The following CEP131 variants were observed in gnomAD, a reference collection of about 807,000 sequenced individuals.
CEP131 encodes centrosomal protein of 131 kDa.
CEP131 carries 99 observed loss-of-function variants against 136.8 expected under a neutral mutation model. The ratio of observed to expected loss-of-function variants is 0.72; its 90% CI spans 0.62 to 0.86. The LOEUF (loss-of-function observed/expected upper bound fraction) is 0.86, where lower values mean the gene tolerates loss of function less well. CEP131 is among the 40% of genes least tolerant of loss of function. The pLI is 0.00. For missense variants in CEP131, 1,459 were observed against 1,463.0 expected, an observed-to-expected ratio of 1.00 and a Z score of 0.04; for synonymous variants, 646 against 612.7, an observed-to-expected ratio of 1.05 and a Z score of -0.80.
chr17:81,196,643 GGAAGTCTCCAT>G, intron 15 of CEP131, 47 bp downstream of exon 15: 1 of 1,556,370 alleles, frequency 6.4e-7, no homozygotes, highest in Non-Finnish European at 8.6e-7. Context: ...CCCTGGCTCT[GGAAGTCTCCAT>G]GAGCCACGCG....
intron 5 of CEP131, among the ~76,000 whole-genome samples, chr17:81,205,199 C>A (rs994211041): frequency 6.6e-6 from 1 of 151,258 alleles, no homozygotes; most frequent in African/African-American, 2.4e-5. Context: ...GCGGAGGTTG[C>A]GGTGAGCCGA....
rs1403283982 is a variant in CEP131 at position 81,202,412 on chromosome 17, A to T, written c.630-14T>A. 3 of 1,611,276 alleles carry T rather than the reference A, an allele frequency of 1.9e-6. No individual in the cohort carries two copies. The highest frequency in any genetic ancestry group is 1.3e-5 in the African/African-American group (1 of 74,914). ...TTGATGATGTTGCTGACAGGTAAGA[A>T]GAAAACACCCTCGTCTCACCGCCCA... is the stretch of plus-strand genomic sequence containing the variant. On this transcript the variant is annotated splice_polypyrimidine_tract_variant and intron_variant, in intron 6 of 25. Coordinates refer to ENST00000450824, the MANE Select transcript of CEP131 (RefSeq NM_014984.4).
At chr17:81,192,934 A>G in intron 18 of CEP131, 91 bp from the exon 19 acceptor site, 1 of 1,505,394 alleles carries the variant, frequency 6.6e-7, no homozygotes, top group Non-Finnish European at 8.9e-7. Context: ...CACAGGCCTG[A>G]CTCACAGCTG....
In CEP131 at chr17:81,203,526, G is replaced by A. The variant is rs1339902090; in HGVS notation, c.597C>T (p.Leu199=). ...AGGGGGCAGTCTGGTTGGAGCTCTT[G>A]AGCGGAGGCGCCCTCTCCGAGGGGG... ...RYTPSERAPP[L]KSSNQTAPSL... Residue 199 remains leucine (L), a synonymous_variant, in exon 6 of 26, where the codon CTC becomes CTT. Coordinates refer to ENST00000450824, the MANE Select transcript of CEP131 (RefSeq NM_014984.4). The surrounding 1 kb of genome is among the most constrained non-coding windows in gnomAD (Gnocchi z 4.6). 2 of 1,608,076 alleles carry A rather than the reference G, an allele frequency of 1.2e-6. No individual in the cohort carries two copies. The highest frequency in any genetic ancestry group is 3.4e-5 in the Admixed American group (2 of 59,410).
intron 1 of CEP131, among the ~76,000 whole-genome samples, chr17:81,221,588 C>G (rs1289559779): frequency 6.6e-6 from 1 of 152,224 alleles, no homozygotes; most frequent in East Asian, 1.9e-4. Flanking sequence ...ACTCAGCCAG[C>G]TTGGCCCCGG....
intron 7 of CEP131, among the ~76,000 whole-genome samples, chr17:81,201,898 G>A (rs1209216443): frequency 2.6e-5 from 4 of 152,076 alleles, no homozygotes; most frequent in African/African-American, 7.2e-5. Context: ...TCAGGAGATC[G>A]AGAACATCCT....
At chr17:81,191,814 T>G (rs1403407387) in intron 21 of CEP131, among the ~76,000 whole-genome samples, 1 of 152,184 alleles carries the variant, frequency 6.6e-6, no homozygotes, top group Non-Finnish European at 1.5e-5. Flanking sequence ...CCTGCCTGGC[T>G]GCTCGGTGAC....
chr17:81,210,461 TCAGCAGGCTGA>T (rs1172717426), intron 2 of CEP131, among the ~76,000 whole-genome samples: 1 of 151,584 alleles, frequency 6.6e-6, no homozygotes, highest in Non-Finnish European at 1.5e-5. Flanking sequence ...TCCCAGCTAC[TCAGCAGGCTGA>T]GGTAGGGGAA....
chr17:81,198,323 C>T (rs1197649357), intron 11 of CEP131, 26 bp from the exon 12 acceptor site: 2 of 1,561,230 alleles, frequency 1.3e-6, no homozygotes, highest in Non-Finnish European at 1.7e-6. Context: ...GAGACAGATG[C>T]AGCAAGGCTG....
chr17:81,201,856 C>G (rs952601864), intron 7 of CEP131, among the ~76,000 whole-genome samples: 2 of 152,180 alleles, frequency 1.3e-5, no homozygotes, highest in Non-Finnish European at 2.9e-5. Flanking sequence ...AATCCCAGCA[C>G]TTTGGGAGGC....
chr17:81,198,209 T>C lies in CEP131; in HGVS notation c.1376A>G (p.Glu459Gly). ...GSAKSRGPLE[E>G]LLHTLQLLEK... is the part of the protein sequence containing the mutation. ...CAGCAGCTGCAGTGTGTGCAGCAGCTCCTCCAGTGGCCCCCTGGACTTGGC... is the reference window on the plus strand; with the variant it reads ...CAGCAGCTGCAGTGTGTGCAGCAGCCCCTCCAGTGGCCCCCTGGACTTGGC... The change falls in exon 12 of 26, where the codon GAG (glutamate) becomes GGG (glycine). Residue 459 changes from glutamate (E) to glycine (G), a missense_variant. Glu to Gly is a moderately conservative substitution (Grantham distance 98). Coordinates refer to ENST00000450824, the MANE Select transcript of CEP131 (RefSeq NM_014984.4). The C allele has an allele frequency of 1.9e-6, 3 of 1,594,908 alleles. No individual in the cohort carries two copies. The highest frequency in any genetic ancestry group is 2.6e-6 in the Non-Finnish European group (3 of 1,170,664).
intron 10 of CEP131, 32 bp from the exon 11 acceptor site, chr17:81,199,003 G>A: frequency 6.7e-7 from 1 of 1,483,956 alleles, no homozygotes; most frequent in Non-Finnish European, 8.9e-7. Flanking sequence ...CATTCCACAG[G>A]GAGCATCCCG....
rs866432928 is a variant in CEP131, at chr17:81,199,453, G to C, written c.1120C>G (p.Arg374Gly). The change falls in exon 10 of 26, where the codon CGG becomes GGG. Residue 374 changes from arginine (R) to glycine (G), a missense_variant. Transcript: ENST00000450824. Reference protein sequence around the residue: ...NPRETRVPGMRQPAQELSPTP... With the variant: ...NPRETRVPGMGQPAQELSPTP... ...GGGGACAGCTCCTGAGCAGGCTGCC[G>C]CATTCCTGGCACTCTGGTCTCCCTG... is the stretch of plus-strand genomic sequence containing the variant. 1 of 1,607,660 alleles carries C rather than the reference G, an allele frequency of 6.2e-7. No individual in the cohort carries two copies. The highest frequency in any genetic ancestry group is 1.7e-5 in the Admixed American group (1 of 59,396).
chr17:81,202,457 A>G, intron 6 of CEP131, 59 bp from the exon 7 acceptor site: 1 of 1,558,906 alleles, frequency 6.4e-7, no homozygotes, highest in Non-Finnish European at 8.7e-7. Flanking sequence ...CTCTGCCCAC[A>G]GGCAGCAGGT....
chr17:81,220,112 G>A (rs2062354228), intron 1 of CEP131, 39 bp from the exon 2 acceptor site: 3 of 1,452,950 alleles, frequency 2.1e-6, no homozygotes, highest in Non-Finnish European at 2.7e-6. Context: ...GATGCCGTGG[G>A]GGAACTACAG....
intron 2 of CEP131, among the ~76,000 whole-genome samples, chr17:81,216,517 C>T (rs938509737): frequency 1.3e-5 from 2 of 152,158 alleles, no homozygotes; most frequent in Non-Finnish European, 1.5e-5. Flanking sequence ...GGCAACAGAG[C>T]AAGACCCCGT....
chr17:81,220,669 AT>A, intron 1 of CEP131, among the ~76,000 whole-genome samples: 1 of 151,786 alleles, frequency 6.6e-6, no homozygotes, highest in East Asian at 2.0e-4. Flanking sequence ...TAATTTTTGT[AT>A]TTTTAGTAGA....
rs572495322 is a variant in CEP131, at chr17:81,206,360, C to G, written c.515+384G>C. On this transcript the variant is annotated intron_variant, in intron 5 of 25. Coordinates refer to ENST00000450824, the MANE Select transcript of CEP131 (RefSeq NM_014984.4). ...CTTCCACTCATGGGTCCCCTGAGGC[C>G]TAGCCCAAGGAGCCCACACTCTCCT... 5.9e-5 allele frequency among the ~76,000 whole-genome samples: 9 copies of G among 152,278 alleles called. No individual in the cohort carries two copies. In the South Asian group the frequency reaches 1.7e-3, roughly 28 times the overall value.
rs950530144 is a variant in CEP131, at chr17:81,217,522, G to A, written c.177+2358C>T. On this transcript the variant is annotated intron_variant, in intron 2 of 25. Transcript: ENST00000450824. ...ATGAGACTGAGTGGTAGCAGGGCAG[G>A]TGGCCGAGAGGATGGGGACCGGGCA... Among the ~76,000 whole-genome samples, 4 of 152,286 alleles carry A rather than the reference G, an allele frequency of 2.6e-5. No homozygotes were observed. In the East Asian group the frequency reaches 5.8e-4, roughly 22 times the overall value.
Sources: allele counts gnomAD v4.1 joint callset (sites outside exome capture counted in the v4.1 genomes callset), GRCh38; gene constraint gnomAD v4.1.1; non-coding constraint Gnocchi (gnomAD v3.1); transcripts MANE v1.5; gene names NCBI Gene and HGNC (gene_info 2026-07-23, HGNC 2026-07-21).